PSME1: variants seen among roughly 807,000 people sequenced by gnomAD.
PSME1 encodes the protein proteasome activator complex subunit 1.
Under a neutral mutation model 38.4 loss-of-function variants are expected in PSME1, and 15 were observed. The observed-to-expected ratio is 0.39, with a 90% confidence interval of 0.26 to 0.60. The LOEUF (loss-of-function observed/expected upper bound fraction) is 0.60. Among genes scored for constraint, PSME1 ranks in the 20% least tolerant of loss-of-function variants. The pLI, the probability that PSME1 is intolerant of heterozygous loss-of-function variation, is 0.53. For missense variants in PSME1, 249 were observed against 305.6 expected (o/e 0.81, Z 1.38); for synonymous variants, 106 against 106.8 (o/e 0.99, Z 0.05).
chr14:24,137,128 C>G lies in PSME1; in HGVS notation c.73-15C>G, dbSNP rs756698122. The G allele has an allele frequency of 5.6e-6, 9 of 1,614,028 alleles. 1 individual carries two copies. In the South Asian group the frequency reaches 7.7e-5, roughly 14 times the overall value. The stretch of plus-strand genomic sequence containing the variant: ...TGCTGACTCCCATCCTCCTCCACCC[C>G]CACCTCACACACAGACAGAGAACCT... On this transcript the variant is annotated splice_polypyrimidine_tract_variant and intron_variant, in intron 2 of 10. Transcript: ENST00000206451.
rs1206326691 is a variant in PSME1, at chr14:24,136,889, C to T, written c.40-96C>T. ...TGGCCTTAGAGGGATCCCCTCCACC[C>T]TTCCCCAGGTCAGGCCCTACATAAC... On this transcript the variant is annotated intron_variant, in intron 1 of 10. Transcript: ENST00000206451. This position sits in a 1 kb window ranked among gnomAD's most constrained non-coding sequence, Gnocchi z 4.8. 22 of 1,481,780 alleles carry T rather than the reference C, an allele frequency of 1.5e-5. No homozygotes were observed. Among genetic ancestry groups the T allele is most frequent in the Non-Finnish European group, 2.1e-5 (22 of 1,063,600 alleles). The allele number at this position is 1,481,780 out of a possible 1,614,324, so 91.8% of individuals were successfully genotyped here.
chr14:24,137,074 C>G lies in PSME1; in HGVS notation c.72+57C>G, dbSNP rs2037916626. On this transcript the variant is annotated intron_variant, in intron 2 of 10. Transcript: ENST00000206451. The stretch of plus-strand genomic sequence containing the variant: ...CCTGCCCAACTCCTACTGCTCAACC[C>G]TGCCTCACTACCTAGGACGGGCATT... The G allele has an allele frequency of 1.1e-5, 17 of 1,614,000 alleles. 1 individual carries two copies. The South Asian group carries it at 1.9e-4, about 18-fold the overall frequency.
chr14:24,137,990 T>A lies in PSME1; in HGVS notation c.391-59T>A, dbSNP rs1045231212. On this transcript the variant is annotated intron_variant, in intron 6 of 10. Coordinates refer to ENST00000206451, the MANE Select transcript of PSME1 (RefSeq NM_006263.4). Reference sequence around the variant, plus strand: ...GTGTGGGGAGGGAAGCAAGGGAGAATATGAAACTGGGAATTGGGTAGAGGG... The same window carrying A: ...GTGTGGGGAGGGAAGCAAGGGAGAAAATGAAACTGGGAATTGGGTAGAGGG... The A allele has an allele frequency of 2.5e-6, 4 of 1,591,370 alleles. No individual in the cohort carries two copies. The African/African-American group carries it at 5.4e-5, about 21-fold the overall frequency.
Position 24,138,261 on chromosome 14 carries a change from TA to T in PSME1, c.527del (p.Lys176SerfsTer10). 6.2e-7 allele frequency: 1 copy of T among 1,614,090 alleles called. No homozygotes were observed. Among genetic ancestry groups the T allele is most frequent in the South Asian group, 1.1e-5 (1 of 91,084 alleles). On this transcript the variant is annotated frameshift_variant and splice_region_variant, in exon 8 of 11. Transcript: ENST00000206451. LOFTEE classifies it high-confidence loss of function. ...TAGAAGGCTTCCACACTCAAATCTC[TA>T]AGTGAGTGACCACCCATGTGCACAC... ...KLEGFHTQISKYFSERGDAVT... is the reference protein window; with the variant it reads ...KLEGFHTQISXYFSERGDAVT...
At chr14:24,137,669 TC>T in intron 5 of PSME1, 30 bp from the exon 6 acceptor site, 1 of 1,611,542 alleles carries the variant, frequency 6.2e-7, no homozygotes, top group Non-Finnish European at 8.5e-7. Context: ...ACAGGCTCAA[TC>T]ATGTGACTGA....
chr14:24,138,288 T>G, intron 8 of PSME1, 25 bp downstream of exon 8: 1 of 1,613,974 alleles, frequency 6.2e-7, no homozygotes, highest in South Asian at 1.1e-5. Flanking sequence ...ATGTGCACAC[T>G]GTTTTTGTTT....
chr14:24,137,969 G>A (rs1594356363), intron 6 of PSME1, 80 bp from the exon 7 acceptor site: 2 of 1,558,982 alleles, frequency 1.3e-6, no homozygotes, highest in Admixed American at 1.7e-5. Context: ...CACCCAGTGT[G>A]GGGAGGGAAG....
rs764156908 is a variant in PSME1 at position 24,136,830 on chromosome 14, A to AC, written c.40-152dup. 230 of 824,052 alleles carry AC rather than the reference A, an allele frequency of 2.8e-4. 1 individual carries two copies. Among genetic ancestry groups the AC allele is most frequent in the South Asian group, 1.2e-3 (80 of 65,410 alleles). 51.0% of individuals were successfully genotyped at this position (824,052 alleles called of 1,614,324 possible). On this transcript the variant is annotated intron_variant, in intron 1 of 10. Coordinates refer to ENST00000206451, the MANE Select transcript of PSME1 (RefSeq NM_006263.4). This position sits in a 1 kb window ranked among gnomAD's most constrained non-coding sequence, Gnocchi z 4.8. ...TCCACCTTCTCCACCACCCCAACCC[A>AC]CCCTACAGGCATCCATCTCGCTTTC...
intron 5 of PSME1, 40 bp downstream of exon 5, chr14:24,137,605 A>T: frequency 6.2e-7 from 1 of 1,613,156 alleles, no homozygotes; most frequent in Non-Finnish European, 8.5e-7. Context: ...CTTGAGTCCC[A>T]CTCACAGGAG....
chr14:24,136,918 A>G lies in PSME1; in HGVS notation c.40-67A>G. 6.3e-7 allele frequency: 1 copy of G among 1,598,472 alleles called. No individual in the cohort carries two copies. The highest frequency in any genetic ancestry group is 8.6e-7 in the Non-Finnish European group (1 of 1,167,070). ...CCCAGGTCAGGCCCTACATAACCCT[A>G]AGGGAACTGTCCTCAAATGAACTGG... is the stretch of plus-strand genomic sequence containing the variant. On this transcript the variant is annotated intron_variant, in intron 1 of 10. Coordinates refer to ENST00000206451, the MANE Select transcript of PSME1 (RefSeq NM_006263.4). This position sits in a 1 kb window ranked among gnomAD's most constrained non-coding sequence, Gnocchi z 4.8.
rs1457580812 is a variant in PSME1 at position 24,136,389 on chromosome 14, A to G, written c.39+88A>G. ...TCCCCGACCCGCCCCCCAGGCTCCC[A>G]CGCGAGTCGGGGGCAGTCGGCCGAG... On this transcript the variant is annotated intron_variant, in intron 1 of 10. Transcript: ENST00000206451. The surrounding 1 kb of genome is among the most constrained non-coding windows in gnomAD (Gnocchi z 4.8). 3.0e-6 allele frequency: 4 copies of G among 1,327,184 alleles called. No homozygotes were observed. The highest frequency in any genetic ancestry group is 2.5e-4 in the Middle Eastern group (1 of 3,940). 82.2% of individuals were successfully genotyped at this position (1,327,184 alleles called of 1,614,324 possible).
rs919855045 is a variant in PSME1, at chr14:24,136,435, G to A, written c.39+134G>A. 1.6e-5 allele frequency: 14 copies of A among 885,956 alleles called. No homozygotes were observed. Among genetic ancestry groups the A allele is most frequent in the Non-Finnish European group, 2.2e-5 (14 of 634,534 alleles). 54.9% of individuals were successfully genotyped at this position (885,956 alleles called of 1,614,324 possible). Reference sequence around the variant, plus strand: ...CCGAGCTGGCGCGCCCGGAGCACCTGCGCCCCGGGGAGGGCGGCGACTGCT... The same window carrying A: ...CCGAGCTGGCGCGCCCGGAGCACCTACGCCCCGGGGAGGGCGGCGACTGCT... On this transcript the variant is annotated intron_variant, in intron 1 of 10. Coordinates refer to ENST00000206451, the MANE Select transcript of PSME1 (RefSeq NM_006263.4). This position sits in a 1 kb window ranked among gnomAD's most constrained non-coding sequence, Gnocchi z 4.8.
chr14:24,138,178 C>T lies in PSME1; in HGVS notation c.460-18C>T. The T allele has an allele frequency of 6.2e-7, 1 of 1,614,180 alleles. No individual in the cohort carries two copies. The highest frequency in any genetic ancestry group is 8.5e-7 in the Non-Finnish European group (1 of 1,180,006). ...GTCCATGCTTCCTTCCACTTTCCCC[C>T]TTGCTTTTTTTCCCTAGGAGAAGGT... On this transcript the variant is annotated intron_variant, in intron 7 of 10. Coordinates refer to ENST00000206451, the MANE Select transcript of PSME1 (RefSeq NM_006263.4).
At position 24,136,548 on chromosome 14, in the gene PSME1, G is replaced by A. The variant is rs112077902; in HGVS notation, c.39+247G>A. Among the ~76,000 whole-genome samples, 1 of 152,166 alleles carries A rather than the reference G, an allele frequency of 6.6e-6. No individual in the cohort carries two copies. Among genetic ancestry groups the A allele is most frequent in the Non-Finnish European group, 1.5e-5 (1 of 68,012 alleles). ...TGGAGGGGAACTCCGCTGGCCTGGG[G>A]CCGGGGCCACACACAGACTGGGTGC... On this transcript the variant is annotated intron_variant, in intron 1 of 10. Transcript: ENST00000206451. The surrounding 1 kb of genome is among the most constrained non-coding windows in gnomAD (Gnocchi z 4.8).
intron 4 of PSME1, 34 bp downstream of exon 4, chr14:24,137,465 C>G (rs1460839112): frequency 6.2e-7 from 1 of 1,614,014 alleles, no homozygotes; most frequent in Non-Finnish European, 8.5e-7. Flanking sequence ...AGGGATCCAA[C>G]TATGGGGGTA....
rs1343203054 is a variant in PSME1 at position 24,136,280 on chromosome 14, C to A, written c.18C>A (p.Val6=). Residue 6 remains valine, a synonymous_variant, in exon 1 of 11, where the codon GTC becomes GTA. Coordinates refer to ENST00000206451, the MANE Select transcript of PSME1 (RefSeq NM_006263.4). The surrounding 1 kb of genome is among the most constrained non-coding windows in gnomAD (Gnocchi z 4.8). The part of the protein sequence containing the change: MAMLR[V]QPEAQAKVDV... ...TCCCGGTCATGGCCATGCTCAGGGT[C>A]CAGCCCGAGGCCCAAGCCAAGGTGA... The A allele has an allele frequency of 6.5e-6, 10 of 1,530,572 alleles. No homozygotes were observed. The highest frequency in any genetic ancestry group is 8.8e-6 in the Non-Finnish European group (10 of 1,140,058). The allele number at this position is 1,530,572 out of a possible 1,614,324, so 94.8% of individuals were successfully genotyped here. A position where few individuals can be genotyped will look rare whatever the true frequency, so the allele number is the denominator to read the frequency against.
At chr14:24,137,821 C>A (rs1594356065) in intron 6 of PSME1, 24 bp downstream of exon 6, 1 of 1,607,210 alleles carries the variant, frequency 6.2e-7, no homozygotes, top group East Asian at 2.2e-5. Context: ...CTTAAACTCT[C>A]AGGCTTCAAG....
At chr14:24,138,140 C>G in intron 7 of PSME1, 23 bp downstream of exon 7, 1 of 1,614,122 alleles carries the variant, frequency 6.2e-7, no homozygotes, top group Non-Finnish European at 8.5e-7. Flanking sequence ...CCCCACTTCC[C>G]TGCTCTTTTC....
At position 24,138,915 on chromosome 14, in the gene PSME1, T is replaced by C. The variant is rs576422231; in HGVS notation, c.*99T>C. 83 of 1,592,268 alleles carry C rather than the reference T, an allele frequency of 5.2e-5. No homozygotes were observed. In the South Asian group the frequency reaches 8.4e-4, roughly 16 times the overall value. ...CCAAACTTGCTTCTGTTGAGATTTT[T>C]CCCTCACCTTGCCTCTCAGGCACAA... is the stretch of plus-strand genomic sequence containing the variant. On this transcript the variant is annotated 3_prime_UTR_variant, in exon 11 of 11. Coordinates refer to ENST00000206451, the MANE Select transcript of PSME1 (RefSeq NM_006263.4).
Sources: gnomAD v4.1 joint callset for allele counts (sites outside exome capture counted in the v4.1 genomes callset) on GRCh38, gnomAD v4.1.1 for gene constraint, Gnocchi (gnomAD v3.1) non-coding constraint, MANE v1.5 for transcripts, NCBI Gene and HGNC (gene_info 2026-07-23, HGNC 2026-07-21) for gene names.